CLCN5: variants seen among roughly 807,000 people sequenced by gnomAD.
CLCN5 encodes Cl-/H+ antiporter 5, also known as H(+)/Cl(-) exchange transporter 5.
A neutral mutation model predicts 54.0 loss-of-function variants in CLCN5; 17 were observed. The observed-to-expected ratio is 0.31, with a 90% CI of 0.22 to 0.47. The LOEUF (loss-of-function observed/expected upper bound fraction) is 0.47. CLCN5 is among the 20% of genes least tolerant of loss of function. CLCN5 has a pLI of 1.00. For missense variants in CLCN5, 448 were observed against 646.7 expected (o/e 0.69, Z 3.33); for synonymous variants, 222 against 233.0 (o/e 0.95, Z 0.43).
At chrX:50,040,397 T>C (rs1174753761) in intron 3 of CLCN5, among the ~76,000 whole-genome samples, 2 of 111,914 alleles carry the variant, frequency 1.8e-5, no homozygotes, top group African/African-American at 3.2e-5. Context: ...TACCTTGGGG[T>C]AACTTTGTAT....
intron 3 of CLCN5, among the ~76,000 whole-genome samples, chrX:50,015,763 A>G (rs1307116561): frequency 4.5e-5 from 5 of 110,155 alleles, no homozygotes; most frequent in Non-Finnish European, 9.5e-5. Context: ...CCATCTTATC[A>G]TTTTTGCTCA....
At chrX:50,087,573 C>G (rs1435074266) in intron 11 of CLCN5, among the ~76,000 whole-genome samples, 5 of 111,466 alleles carry the variant, frequency 4.5e-5, no homozygotes, top group South Asian at 3.8e-4. Flanking sequence ...TTGTTTGTTT[C>G]TTTCTTTTCT....
At chrX:49,958,756 ATC>A (rs1415715619) in intron 3 of CLCN5, among the ~76,000 whole-genome samples, 2 of 111,349 alleles carry the variant, frequency 1.8e-5, no homozygotes, top group African/African-American at 6.5e-5. Flanking sequence ...TACTCTCACT[ATC>A]TCTACATCAG....
chrX:50,079,058 C>T (rs373289830), intron 7 of CLCN5, among the ~76,000 whole-genome samples: 51 of 111,621 alleles, frequency 4.6e-4, no homozygotes, highest in African/African-American at 1.5e-3. Flanking sequence ...CTCCTGACCT[C>T]GTGATCCGCC....
intron 13 of CLCN5, 34 bp from the exon 14 acceptor site, chrX:50,090,636 A>C: frequency 6.8e-6 from 8 of 1,176,899 alleles, no homozygotes; most frequent in Non-Finnish European, 9.2e-6. Context: ...TAGCACGTCC[A>C]TCTTCAATTT....
Position 50,072,466 on chromosome X carries a change from A to G in CLCN5, c.316-23A>G, listed in dbSNP as rs1557191615. On this transcript the variant is annotated intron_variant, in intron 5 of 14. Coordinates refer to ENST00000376091, the MANE Select transcript of CLCN5 (RefSeq NM_001127898.4). ...AAAAATGGTGTGTGTAGAGTGTACC[A>G]ATGTTTTCTCATTTTCCCCTAGATT... 2.9e-6 allele frequency: 3 copies of G among 1,044,305 alleles called. No individual in the cohort carries two copies. The African/African-American group carries it at 5.6e-5, about 19-fold the overall frequency. The allele number at this position is 1,044,305 out of a possible 1,213,427, so 86.1% of individuals were successfully genotyped here.
intron 3 of CLCN5, among the ~76,000 whole-genome samples, chrX:50,005,428 A>G (rs1930103410): frequency 9.0e-6 from 1 of 110,767 alleles, no homozygotes; most frequent in Non-Finnish European, 1.9e-5. Context: ...TTGATTTATT[A>G]GCTGGAATAC....
intron 13 of CLCN5, 76 bp from the exon 14 acceptor site, chrX:50,090,594 G>A (rs954855782): frequency 4.3e-6 from 5 of 1,155,758 alleles, no homozygotes; most frequent in Non-Finnish European, 5.8e-6. Flanking sequence ...GACAGGGAAG[G>A]GGGGACTGGT....
At chrX:49,949,706 C>A (rs782611912) in intron 3 of CLCN5, among the ~76,000 whole-genome samples, 1 of 111,596 alleles carries the variant, frequency 9.0e-6, no homozygotes, top group Non-Finnish European at 1.9e-5. Context: ...GTCCTAAATA[C>A]TGTACGTGAA....
intron 3 of CLCN5, among the ~76,000 whole-genome samples, chrX:49,979,496 T>G (rs2147339671): frequency 8.9e-6 from 1 of 112,237 alleles, no homozygotes; most frequent in Non-Finnish European, 1.9e-5. Flanking sequence ...TTTTACCTGC[T>G]TTGAATAATT....
At chrX:50,070,193 T>C (rs782775156) in intron 5 of CLCN5, among the ~76,000 whole-genome samples, 163 bp downstream of exon 5, 3 of 112,765 alleles carry the variant, frequency 2.7e-5, no homozygotes, top group Non-Finnish European at 5.6e-5. Context: ...TTTGAAGACA[T>C]CTTGCACATA....
chrX:50,040,954 A>G (rs1395733336), intron 3 of CLCN5, among the ~76,000 whole-genome samples: 7 of 112,321 alleles, frequency 6.2e-5, no homozygotes, highest in African/African-American at 2.3e-4. Context: ...CTAACTGGGC[A>G]AGTTAGCCTT....
intron 3 of CLCN5, among the ~76,000 whole-genome samples, chrX:50,040,210 A>G (rs1173262171): frequency 8.9e-6 from 1 of 112,144 alleles, no homozygotes; most frequent in Non-Finnish European, 1.9e-5. Context: ...TGAAGAAAGC[A>G]GGATAATGAA....
chrX:50,003,565 G>T (rs375623427), intron 3 of CLCN5: 11 of 371,252 alleles, frequency 3.0e-5, no homozygotes, highest in African/African-American at 2.6e-4. Flanking sequence ...CCTCCCACAT[G>T]CAGGGTTTGC....
chrX:49,972,068 G>C (rs1557176284), intron 3 of CLCN5, among the ~76,000 whole-genome samples: 1 of 107,814 alleles, frequency 9.3e-6, no homozygotes, highest in Non-Finnish European at 1.9e-5. Context: ...AGATTTACCT[G>C]TTTTTAGCAT....
chrX:49,981,513 T>C (rs1928729533), intron 3 of CLCN5, among the ~76,000 whole-genome samples: 1 of 111,785 alleles, frequency 8.9e-6, no homozygotes, highest in Admixed American at 9.5e-5. Flanking sequence ...TCTTTCATTT[T>C]TCCATGCCTC....
Position 50,069,803 on chromosome X carries a change from T to C in CLCN5, c.164-76T>C. The C allele has an allele frequency of 3.6e-6, 4 of 1,112,089 alleles. 1 individual carries two copies. In the Admixed American group the frequency reaches 9.4e-5, roughly 26 times the overall value. The allele number at this position is 1,112,089 out of a possible 1,213,427, so 91.6% of individuals were successfully genotyped here. On this transcript the variant is annotated intron_variant, in intron 4 of 14. Transcript: ENST00000376091. ...TCATCTGATAGTTTAAGGGCCCGCC[T>C]TTTGGAACCAAAAAGAATGTATTAA...
At chrX:50,045,306 C>T (rs1932358586) in intron 4 of CLCN5, among the ~76,000 whole-genome samples, 1 of 111,559 alleles carries the variant, frequency 9.0e-6, no homozygotes, top group Admixed American at 9.5e-5. Context: ...CCTACTTCTA[C>T]CAAAGAGAAC....
At chrX:49,972,589 CACTAAGGAATTT>C (rs1456744308) in intron 3 of CLCN5, among the ~76,000 whole-genome samples, 1 of 111,535 alleles carries the variant, frequency 9.0e-6, no homozygotes, top group Non-Finnish European at 1.9e-5. Flanking sequence ...TATGAAGAAA[CACTAAGGAATTT>C]ACTAAAGATA....
Sources: allele counts gnomAD v4.1 joint callset (sites outside exome capture counted in the v4.1 genomes callset), GRCh38; gene constraint gnomAD v4.1.1; transcripts MANE v1.5; gene names NCBI Gene and HGNC (gene_info 2026-07-23, HGNC 2026-07-21).